Variants in CCNY observed in about 807,000 individuals in gnomAD.
The protein encoded by CCNY is cyclin Y, also known as cyclin-Y.
Under a neutral mutation model 42.8 loss-of-function variants are expected in CCNY, and 19 were observed. The observed-to-expected ratio is 0.44, with a 90% CI of 0.31 to 0.65. The LOEUF is 0.65. Ranked by LOEUF, CCNY falls within the 30% of genes least tolerant of loss-of-function variation. The pLI is 0.07. For synonymous variants in CCNY, 165 were observed against 162.7 expected (o/e 1.01, Z -0.11); for missense variants, 370 against 437.3 (o/e 0.85, Z 1.37).
At chr10:35,441,749 A>G (rs1207820816) in intron 1 of CCNY, among the ~76,000 whole-genome samples, 2 of 152,204 alleles carry the variant, frequency 1.3e-5, no homozygotes, top group African/African-American at 2.4e-5. Context: ...CCTGTATGAA[A>G]ATAGAAAAGA....
chr10:35,511,652 T>C (rs1275755331), intron 3 of CCNY, among the ~76,000 whole-genome samples: 1 of 152,172 alleles, frequency 6.6e-6, no homozygotes, highest in Non-Finnish European at 1.5e-5. Context: ...CTGATCTCCT[T>C]GTCTGTAAAA....
intron 2 of CCNY, 91 bp downstream of exon 2, chr10:35,483,569 A>G (rs958074481): frequency 4.9e-6 from 4 of 815,288 alleles, no homozygotes; most frequent in African/African-American, 3.5e-5. Context: ...AATTTTCAAT[A>G]TGAAATAGAG....
At chr10:35,453,410 T>C (rs761278335) in intron 1 of CCNY, among the ~76,000 whole-genome samples, 1 of 152,186 alleles carries the variant, frequency 6.6e-6, no homozygotes, top group Non-Finnish European at 1.5e-5. Context: ...GACATATAGG[T>C]TGTTGTTTTC....
At chr10:35,418,454 CA>C (rs1838074373) in intron 1 of CCNY, among the ~76,000 whole-genome samples, 1 of 152,160 alleles carries the variant, frequency 6.6e-6, no homozygotes, top group African/African-American at 2.4e-5. Flanking sequence ...AGAAATTGGG[CA>C]ATCAGTTTTC....
chr10:35,530,221 C>A lies in CCNY; in HGVS notation c.557C>A (p.Ala186Asp). Residue 186 changes from alanine to aspartate, a missense_variant, in exon 7 of 10, where the codon GCT (alanine) becomes GAT (aspartate). Around this residue, in one of 2 missense-constraint regions of CCNY, gnomAD observed 234 missense variants for 313.1 expected, o/e 0.75. Coordinates refer to ENST00000374704, the MANE Select transcript of CCNY (RefSeq NM_145012.6). This position sits in a 1 kb window ranked among gnomAD's most constrained non-coding sequence, Gnocchi z 4.3. ...CTGTTCAGTGCTGCTCAGCTGACGG[C>A]TGAATGTGCCATCGTCACCCTGGTG... ...RTLFSAAQLT[A>D]ECAIVTLVYL... 1 of 1,614,230 alleles carries A rather than the reference C, an allele frequency of 6.2e-7. No individual in the cohort carries two copies. Among genetic ancestry groups the A allele is most frequent in the Non-Finnish European group, 8.5e-7 (1 of 1,180,030 alleles).
At chr10:35,290,201 G>A (rs1394898896) in intron 3 of CCNY, among the ~76,000 whole-genome samples, 1 of 147,664 alleles carries the variant, frequency 6.8e-6, no homozygotes, top group Non-Finnish European at 1.5e-5. Context: ...ACTCCAGCCT[G>A]GGCAACACAG....
intron 8 of CCNY, among the ~76,000 whole-genome samples, chr10:35,554,763 C>T (rs1398037612): frequency 1.3e-5 from 2 of 152,160 alleles, no homozygotes; most frequent in Non-Finnish European, 2.9e-5. Context: ...TGAAATTAGA[C>T]TAGGTCTTAA....
At chr10:35,506,732 A>G (rs1172323826) in intron 3 of CCNY, among the ~76,000 whole-genome samples, 2 of 151,472 alleles carry the variant, frequency 1.3e-5, no homozygotes, top group Non-Finnish European at 2.9e-5. Context: ...TAAGACACAC[A>G]AGTGACGGGG....
intron 3 of CCNY, among the ~76,000 whole-genome samples, chr10:35,267,729 G>T (rs1336198461): frequency 2.6e-5 from 4 of 152,206 alleles, no homozygotes; most frequent in African/African-American, 9.7e-5. Context: ...GACAGTGTGG[G>T]CACGAGTGCT....
chr10:35,419,626 A>G (rs1642473230), intron 1 of CCNY, among the ~76,000 whole-genome samples: 1 of 151,908 alleles, frequency 6.6e-6, no homozygotes. Context: ...AGATAATTCA[A>G]AACTAAACCC....
At chr10:35,377,032 C>A (rs1446492650) in intron 1 of CCNY, among the ~76,000 whole-genome samples, 1 of 152,138 alleles carries the variant, frequency 6.6e-6, no homozygotes, top group South Asian at 2.1e-4. Context: ...CAGTTAGGCA[C>A]CACATAATGA....
chr10:35,403,799 C>T (rs939427429), intron 1 of CCNY, among the ~76,000 whole-genome samples: 1 of 152,150 alleles, frequency 6.6e-6, no homozygotes, highest in Non-Finnish European at 1.5e-5. Context: ...AGAGCGGTAG[C>T]CTCAATGATA....
chr10:35,535,373 C>T (rs1840864024), intron 7 of CCNY, among the ~76,000 whole-genome samples: 1 of 151,996 alleles, frequency 6.6e-6, no homozygotes, highest in Non-Finnish European at 1.5e-5. Flanking sequence ...CTTCTGGTGG[C>T]AGGTGCAGTT....
chr10:35,277,366 T>C (rs1392877129), intron 3 of CCNY, among the ~76,000 whole-genome samples: 1 of 152,194 alleles, frequency 6.6e-6, no homozygotes, highest in Non-Finnish European at 1.5e-5. Flanking sequence ...CCATCCAGTA[T>C]TCCCATCTCA....
chr10:35,373,155 A>T (rs1181931821), intron 1 of CCNY, among the ~76,000 whole-genome samples: 1 of 152,222 alleles, frequency 6.6e-6, no homozygotes, highest in Non-Finnish European at 1.5e-5. Context: ...CTTGAGTTTG[A>T]ATCCTGGCCC....
intron 1 of CCNY, among the ~76,000 whole-genome samples, chr10:35,357,723 G>T (rs889004318): frequency 1.3e-5 from 2 of 152,188 alleles, no homozygotes; most frequent in Non-Finnish European, 2.9e-5. Context: ...TAAGTAATTT[G>T]TGGGGAGATT....
chr10:35,359,675 G>T (rs1188866128), intron 1 of CCNY, among the ~76,000 whole-genome samples: 1 of 151,918 alleles, frequency 6.6e-6, no homozygotes, highest in African/African-American at 2.4e-5. Flanking sequence ...AGTGGCATTA[G>T]GCACATTCAC....
At chr10:35,278,396 C>T (rs777927703) in intron 3 of CCNY, among the ~76,000 whole-genome samples, 3 of 151,832 alleles carry the variant, frequency 2.0e-5, no homozygotes, top group Non-Finnish European at 4.4e-5. Flanking sequence ...TGCAGCACCC[C>T]AGATCTGTCC....
At chr10:35,279,203 T>G (rs1023808887) in intron 3 of CCNY, among the ~76,000 whole-genome samples, 1 of 149,634 alleles carries the variant, frequency 6.7e-6, no homozygotes, top group Non-Finnish European at 1.5e-5. Context: ...GCAACCTCCG[T>G]CTCCCCAGTT....
Sources: gnomAD v4.1 joint callset for allele counts (sites outside exome capture counted in the v4.1 genomes callset) on GRCh38, gnomAD v4.1.1 for gene constraint, gnomAD v4.1.1 regional missense constraint, Gnocchi (gnomAD v3.1) non-coding constraint, MANE v1.5 for transcripts, NCBI Gene and HGNC (gene_info 2026-07-23, HGNC 2026-07-21) for gene names.